MACF1: variants seen among roughly 807,000 people sequenced by gnomAD.
MACF1 encodes the protein microtubule-actin cross-linking factor 1.
Under a neutral mutation model 854.8 loss-of-function variants are expected in MACF1, and 193 were observed. The ratio of observed to expected loss-of-function variants is 0.23; its 90% CI spans 0.20 to 0.25. The LOEUF is 0.25. Ranked by LOEUF, MACF1 falls within the 10% of genes least tolerant of loss-of-function variation. MACF1 has a pLI of 1.00. For missense variants in MACF1, 7,722 were observed against 8,929.1 expected, an observed-to-expected ratio of 0.86 and a Z score of 5.45; for synonymous variants, 3,185 against 3,226.7, an observed-to-expected ratio of 0.99 and a Z score of 0.44.
intron 47 of MACF1, among the ~76,000 whole-genome samples, chr1:39,360,011 AAATATATATATATATATATATAT>A (rs1337279833): frequency 4.3e-5 from 2 of 46,576 alleles, no homozygotes; most frequent in Non-Finnish European, 7.3e-5. Flanking sequence ...AAAAAAAAAA[AAATATATATATATATATATATAT>A]ATATATATAT....
intron 99 of MACF1, among the ~76,000 whole-genome samples, chr1:39,482,579 T>C (rs901188834): frequency 1.3e-5 from 2 of 152,072 alleles, no homozygotes; most frequent in African/African-American, 2.4e-5. Context: ...AAATAATGGA[T>C]GTTTAAAACA....
At chr1:39,415,484 C>T (rs1287651233) in intron 58 of MACF1, among the ~76,000 whole-genome samples, 1 of 150,122 alleles carries the variant, frequency 6.7e-6, no homozygotes, top group African/African-American at 2.4e-5. Context: ...TACAGGCGCC[C>T]GCCACTACGC....
At chr1:39,413,929 G>T (rs751034221) in intron 58 of MACF1, 1 of 1,605,314 alleles carries the variant, frequency 6.2e-7, no homozygotes, top group Non-Finnish European at 8.5e-7. Context: ...GGCAGCTTCA[G>T]TGCCCACCTC....
chr1:39,395,835 T>G (rs779125807), intron 58 of MACF1, among the ~76,000 whole-genome samples: 2 of 152,212 alleles, frequency 1.3e-5, no homozygotes, highest in African/African-American at 2.4e-5. Flanking sequence ...TGTTGAACCT[T>G]TTCCAGCTCC....
rs1557674975 is a variant in MACF1 at position 39,477,073 on chromosome 1, A to ATACACACACACATATATACACTTAGTG, written c.21959-2723_21959-2722insCACACACACATATATACACTTAGTGTA. Among the ~76,000 whole-genome samples, 217 of 37,836 alleles carry ATACACACACACATATATACACTTAGTG rather than the reference A, an allele frequency of 5.7e-3. 15 individuals carry two copies. Among genetic ancestry groups the ATACACACACACATATATACACTTAGTG allele is most frequent in the Non-Finnish European group, 6.8e-3 (160 of 23,634 alleles). The allele number at this position is 37,836 out of a possible 152,430, so 24.8% of individuals were successfully genotyped here. A position where few individuals can be genotyped will look rare whatever the true frequency, so the allele number is the denominator to read the frequency against. ...TATATATATATATATATATATATAT[A>ATACACACACACATATATACACTTAGTG]TATATATATATATATATACACACAC... On this transcript the variant is annotated intron_variant, in intron 97 of 100. Coordinates refer to ENST00000564288, the MANE Select transcript of MACF1 (RefSeq NM_001394062.1).
chr1:39,378,385 A>C, intron 52 of MACF1, 76 bp from the exon 53 acceptor site: 1 of 1,039,942 alleles, frequency 9.6e-7, no homozygotes, highest in South Asian at 1.3e-5. Flanking sequence ...GTGAGGGCCA[A>C]AGGACAAATT....
At chr1:39,203,854 C>T (rs1644420527), upstream of MACF1, among the ~76,000 whole-genome samples, 1 of 152,178 alleles carries the variant, frequency 6.6e-6, no homozygotes, top group Non-Finnish European at 1.5e-5. Flanking sequence ...AGTTGATGGA[C>T]ATTTGGGTTG....
rs117584788 is a variant in MACF1, at chr1:39,089,402, T to C, written c.220+4964T>C. Among the ~76,000 whole-genome samples the C allele has an allele frequency of 2.3e-4, 35 of 152,350 alleles. No individual in the cohort carries two copies. In the East Asian group the frequency reaches 6.7e-3, roughly 29 times the overall value. On this transcript the variant is annotated intron_variant, in intron 2 of 93. Transcript: ENST00000361689. ...CATTCCTAGGAGTATCAGCAAATGC[T>C]GCTGAAATAATCATTCCCAACATCT... is the stretch of plus-strand genomic sequence containing the variant.
rs6687066 is a variant in MACF1, at chr1:39,463,744, C to T, written c.21753+58C>T. ...GTGGTTTCTCATATGTGGCTGATCC[C>T]ACCTTTTCCTCCTGATGCTTAGAGG... On this transcript the variant is annotated intron_variant, in intron 94 of 100. Transcript: ENST00000564288. The T allele has an allele frequency of 0.022, 32,851 of 1,471,676 alleles. 1,452 individuals are homozygous for T. Among genetic ancestry groups the T allele is most frequent in the African/African-American group, 0.19 (13,309 of 71,902 alleles). The allele number at this position is 1,471,676 out of a possible 1,614,324, so 91.2% of individuals were successfully genotyped here. A position where few individuals can be genotyped will look rare whatever the true frequency, so the allele number is the denominator to read the frequency against.
At chr1:39,135,310 G>A (rs1481903516) in intron 2 of MACF1, among the ~76,000 whole-genome samples, 1 of 152,022 alleles carries the variant, frequency 6.6e-6, no homozygotes. Flanking sequence ...GCAATGGTGC[G>A]ATTTCCGCTC....
chr1:39,393,088 G>T (rs573260996), intron 58 of MACF1, among the ~76,000 whole-genome samples: 2 of 151,064 alleles, frequency 1.3e-5, no homozygotes, highest in Admixed American at 1.3e-4. Context: ...GGAATTGTAT[G>T]TGTCTAACAG....
chr1:39,445,086 T>C (rs920401971), intron 80 of MACF1, among the ~76,000 whole-genome samples: 11 of 152,240 alleles, frequency 7.2e-5, no homozygotes, highest in Non-Finnish European at 1.3e-4. Context: ...TGTCCTATAT[T>C]AATCACCAAT....
At position 39,287,424 on chromosome 1, in the gene MACF1, C is replaced by T; in HGVS notation, c.1647C>T (p.Thr549=). ...CTCATCTGAAAGCAGAACCCTTAACCAAGGCAACCCATTCTTCTTCTACCT... is the reference window on the plus strand; with the variant it reads ...CTCATCTGAAAGCAGAACCCTTAACTAAGGCAACCCATTCTTCTTCTACCT... The part of the protein sequence containing the change: ...TTTHLKAEPL[T]KATHSSSTSW... The change falls in exon 15 of 101, where the codon ACC becomes ACT. Residue 549 remains threonine, a synonymous_variant. Coordinates refer to ENST00000564288, the MANE Select transcript of MACF1 (RefSeq NM_001394062.1). 1 of 1,614,154 alleles carries T rather than the reference C, an allele frequency of 6.2e-7. No homozygotes were observed. Among genetic ancestry groups the T allele is most frequent in the Non-Finnish European group, 8.5e-7 (1 of 1,180,030 alleles).
At position 39,444,705 on chromosome 1, in the gene MACF1, A is replaced by G. The variant is rs1373070014; in HGVS notation, c.19475A>G (p.Gln6492Arg). 2 of 1,613,920 alleles carry G rather than the reference A, an allele frequency of 1.2e-6. No homozygotes were observed. The highest frequency in any genetic ancestry group is 3.3e-5 in the Admixed American group (2 of 59,990). The change falls in exon 80 of 101, where the codon CAA becomes CGA. Residue 6492 changes from glutamine to arginine, a missense_variant. Physicochemically the swap from Gln to Arg is conservative, Grantham distance 43. Transcript: ENST00000564288. ...AAAGCCAAGGAAGAGACTTATAATC[A>G]ACTACTTGACAAGGGCAGACTCATG... is the stretch of plus-strand genomic sequence containing the variant. ...QLKAKEETYN[Q>R]LLDKGRLMLL...
At chr1:39,264,721 C>T (rs1013209953) in intron 6 of MACF1, among the ~76,000 whole-genome samples, 16 of 138,212 alleles carry the variant, frequency 1.2e-4, no homozygotes, top group African/African-American at 2.2e-4. Flanking sequence ...GGCCGGACTG[C>T]GGACTGCAGT....
chr1:39,144,568 TAAC>T (rs1455262530), intron 2 of MACF1, among the ~76,000 whole-genome samples: 4 of 152,058 alleles, frequency 2.6e-5, no homozygotes, highest in Non-Finnish European at 5.9e-5. Context: ...AATTCCCTTC[TAAC>T]AACGTGTGAG....
chr1:39,285,522 G>A, intron 13 of MACF1, 82 bp from the exon 14 acceptor site: 1 of 1,389,010 alleles, frequency 7.2e-7, no homozygotes, highest in Admixed American at 2.1e-5. Flanking sequence ...TTTTGGAATT[G>A]CAGTAGACTT....
chr1:39,147,835 T>C (rs1045347824), intron 2 of MACF1, among the ~76,000 whole-genome samples: 2 of 152,226 alleles, frequency 1.3e-5, no homozygotes, highest in African/African-American at 4.8e-5. Flanking sequence ...TCAACAGATA[T>C]TGTTTCCTGG....
intron 2 of MACF1, among the ~76,000 whole-genome samples, chr1:39,120,595 C>T (rs1054315253): frequency 6.6e-6 from 1 of 152,144 alleles, no homozygotes; most frequent in African/African-American, 2.4e-5. Flanking sequence ...AACTCCTGAC[C>T]TCGTGATCTG....
Sources: gnomAD v4.1 joint callset for allele counts (sites outside exome capture counted in the v4.1 genomes callset) on GRCh38, gnomAD v4.1.1 for gene constraint, MANE v1.5 for transcripts, NCBI Gene and HGNC (gene_info 2026-07-23, HGNC 2026-07-21) for gene names.